Variants in C8orf34 observed in about 807,000 individuals in gnomAD.
The protein encoded by C8orf34 is chromosome 8 open reading frame 34, also known as uncharacterized protein C8orf34.
A neutral mutation model predicts 68.3 loss-of-function variants in C8orf34; 65 were observed. That is an observed-to-expected ratio of 0.95 (90% CI 0.78 to 1.17). The LOEUF (loss-of-function observed/expected upper bound fraction) is 1.17, where lower values mean the gene tolerates loss of function less well. C8orf34 is among the 50% of genes most tolerant of loss of function. C8orf34 has a pLI of 0.00. For missense variants in C8orf34, 664 were observed against 655.4 expected (o/e 1.01, Z -0.14); for synonymous variants, 244 against 241.2 (o/e 1.01, Z -0.11).
Position 68,331,292 on chromosome 8 carries a change from C to T in C8orf34, c.280C>T (p.Arg94Trp). ...LFPMASHPQT[R>W]IQAYLEKNKI... ...CCCCATGGCGTCTCATCCGCAAACCCGGATCCAGGCTTACCTGGAGAAGAA... is the reference window on the plus strand; with the variant it reads ...CCCCATGGCGTCTCATCCGCAAACCTGGATCCAGGCTTACCTGGAGAAGAA... Residue 94 changes from arginine (R) to tryptophan (W), a missense_variant, in exon 1 of 14, where the codon CGG becomes TGG. Transcript: ENST00000518698. 1 of 1,536,486 alleles carries T rather than the reference C, an allele frequency of 6.5e-7. No homozygotes were observed. The highest frequency in any genetic ancestry group is 8.7e-7 in the Non-Finnish European group (1 of 1,146,980).
intron 8 of C8orf34, among the ~76,000 whole-genome samples, chr8:68,660,077 G>A (rs1463250967): frequency 6.6e-6 from 1 of 152,152 alleles, no homozygotes; most frequent in Non-Finnish European, 1.5e-5. Context: ...ACTTTTCCCA[G>A]TCTGGGGGAT....
At chr8:68,423,957 C>T (rs1022525281) in intron 1 of C8orf34, among the ~76,000 whole-genome samples, 1 of 152,064 alleles carries the variant, frequency 6.6e-6, no homozygotes, top group Non-Finnish European at 1.5e-5. Flanking sequence ...GGAAACTGCC[C>T]CCATGATCTG....
chr8:68,514,025 A>G (rs1049883707), intron 5 of C8orf34, among the ~76,000 whole-genome samples: 1 of 152,162 alleles, frequency 6.6e-6, no homozygotes, highest in African/African-American at 2.4e-5. Context: ...GGCATCAAAA[A>G]TGTTGCAGGA....
chr8:68,678,220 A>AG (rs35534354), intron 8 of C8orf34, among the ~76,000 whole-genome samples: 65,312 of 151,894 alleles, frequency 0.43, 14,422 homozygotes, highest in East Asian at 0.57. Context: ...TCTATGGTCC[A>AG]TATTACCCTG....
intron 10 of C8orf34, among the ~76,000 whole-genome samples, chr8:68,765,052 A>C (rs2129528157): frequency 6.6e-6 from 1 of 152,222 alleles, no homozygotes; most frequent in Admixed American, 6.5e-5. Context: ...TCACAATATT[A>C]GGTTGTTTTT....
At chr8:68,465,347 T>C (rs1339198256) in intron 3 of C8orf34, among the ~76,000 whole-genome samples, 86 of 147,466 alleles carry the variant, frequency 5.8e-4, no homozygotes, top group African/African-American at 2.0e-3. Flanking sequence ...TTTTACACTG[T>C]TGGTGGGACT....
Position 68,475,276 on chromosome 8 carries a change from C to T in C8orf34, c.736+6456C>T, listed in dbSNP as rs955006382. Among the ~76,000 whole-genome samples, 20 of 152,328 alleles carry T rather than the reference C, an allele frequency of 1.3e-4. No homozygotes were observed. In the South Asian group the frequency reaches 3.5e-3, roughly 27 times the overall value. ...GTCCTCTTCTGGGGTAGATTTGCAT[C>T]CCCTCTCTTTGTGCTTCTATACTTT... On this transcript the variant is annotated intron_variant, in intron 4 of 13. Transcript: ENST00000518698.
chr8:68,795,432 G>A (rs1824152306), intron 12 of C8orf34, among the ~76,000 whole-genome samples: 1 of 150,980 alleles, frequency 6.6e-6, no homozygotes, highest in Non-Finnish European at 1.5e-5. Flanking sequence ...ATAACATAAT[G>A]TGGAAACTCT....
At chr8:68,550,892 T>G (rs865929336) in intron 7 of C8orf34, among the ~76,000 whole-genome samples, 1 of 151,674 alleles carries the variant, frequency 6.6e-6, no homozygotes, top group African/African-American at 2.4e-5. Context: ...AAAGTTTTTT[T>G]TTTTGTTTTG....
At position 68,628,119 on chromosome 8, in the gene C8orf34, G is replaced by A. The variant is rs189727428; in HGVS notation, c.1106-12257G>A. Among the ~76,000 whole-genome samples, 456 of 152,036 alleles carry A rather than the reference G, an allele frequency of 3.0e-3. 1 individual carries two copies. The highest frequency in any genetic ancestry group is 0.011 in the African/African-American group (436 of 41,482). On this transcript the variant is annotated intron_variant, in intron 7 of 13. Transcript: ENST00000518698. ...TGTTATTAAAATGGAAAATTTCAAC[G>A]CAGCACTTAAATTCCACCAGACCCT...
rs559779831 is a variant in C8orf34, at chr8:68,475,759, C to T, written c.736+6939C>T. ...CCTTCTACTTCGTGAGGCACTATTC[C>T]CAGGGTGGCAGGGTTTCCAGTGTTC... On this transcript the variant is annotated intron_variant, in intron 4 of 13. Coordinates refer to ENST00000518698, the MANE Select transcript of C8orf34 (RefSeq NM_052958.4). Among the ~76,000 whole-genome samples the T allele has an allele frequency of 2.0e-5, 3 of 152,286 alleles. No homozygotes were observed. In the East Asian group the frequency reaches 5.8e-4, roughly 29 times the overall value.
chr8:68,430,267 C>T (rs140350329), intron 1 of C8orf34, among the ~76,000 whole-genome samples: 159 of 152,258 alleles, frequency 1.0e-3, no homozygotes, highest in African/African-American at 3.6e-3. Context: ...TGGTGCACCC[C>T]GACCCCACAG....
intron 8 of C8orf34, among the ~76,000 whole-genome samples, chr8:68,691,427 C>T (rs1221806205): frequency 6.6e-6 from 1 of 152,026 alleles, no homozygotes. Context: ...ATTTTTGTGA[C>T]TACCTTTATT....
At chr8:68,585,160 G>T (rs1586409704) in intron 7 of C8orf34, among the ~76,000 whole-genome samples, 1 of 152,158 alleles carries the variant, frequency 6.6e-6, no homozygotes, top group East Asian at 1.9e-4. Flanking sequence ...CCCCTAGGAT[G>T]CTTACATTTC....
chr8:68,656,354 T>G (rs1460043883), intron 8 of C8orf34, among the ~76,000 whole-genome samples: 1 of 152,222 alleles, frequency 6.6e-6, no homozygotes, highest in Non-Finnish European at 1.5e-5. Context: ...CATTAATTCA[T>G]GTAATTCCAG....
intron 7 of C8orf34, among the ~76,000 whole-genome samples, chr8:68,540,679 T>C (rs1410594927): frequency 6.6e-6 from 1 of 151,756 alleles, no homozygotes; most frequent in East Asian, 1.9e-4. Flanking sequence ...GTCTCCACCA[T>C]AAACGCAAAA....
intron 7 of C8orf34, among the ~76,000 whole-genome samples, chr8:68,567,469 C>A (rs1816625087): frequency 6.6e-6 from 1 of 150,496 alleles, no homozygotes; most frequent in African/African-American, 2.4e-5. Context: ...GTTGTAATAT[C>A]TCCCATTTTG....
At chr8:68,726,871 A>G (rs1585788376) in intron 10 of C8orf34, among the ~76,000 whole-genome samples, 1 of 152,130 alleles carries the variant, frequency 6.6e-6, no homozygotes, top group Non-Finnish European at 1.5e-5. Flanking sequence ...CCCTCCCACA[A>G]CACACGGGAA....
intron 7 of C8orf34, among the ~76,000 whole-genome samples, chr8:68,614,109 G>A (rs1462093247): frequency 2.0e-5 from 3 of 152,090 alleles, no homozygotes; most frequent in Non-Finnish European, 4.4e-5. Flanking sequence ...GTCTGTTCAT[G>A]TCCTTCGCCC....
Sources: gnomAD v4.1 joint callset for allele counts (sites outside exome capture counted in the v4.1 genomes callset) on GRCh38, gnomAD v4.1.1 for gene constraint, MANE v1.5 for transcripts, NCBI Gene and HGNC (gene_info 2026-07-23, HGNC 2026-07-21) for gene names.